The following GLIS3 variants were observed in gnomAD, a reference collection of about 807,000 sequenced individuals.
GLIS3 encodes the protein zinc finger protein GLIS3.
GLIS3 carries 53 observed loss-of-function variants against 78.6 expected under a neutral mutation model. The ratio of observed to expected loss-of-function variants is 0.67; its 90% CI spans 0.54 to 0.85. GLIS3 has a LOEUF of 0.85. GLIS3 is among the 40% of genes least tolerant of loss of function. GLIS3 has a pLI of 0.00. For missense variants in GLIS3, 1,703 were observed against 1,231.1 expected (o/e 1.38, Z -5.74); for synonymous variants, 684 against 509.9 (o/e 1.34, Z -4.60).
rs1048612959 is a variant in GLIS3 at position 3,826,989 on chromosome 9, C to A, written c.*1283G>T. On this transcript the variant is annotated 3_prime_UTR_variant, in exon 11 of 11. Coordinates refer to ENST00000381971, the MANE Select transcript of GLIS3 (RefSeq NM_001042413.2). ...TCCTATTTAGGCTTGATATTTTCGA[C>A]CAAGTGCTATGTGAAAATTCCAGGC... 1 of 152,118 alleles carries A rather than the reference C, an allele frequency of 6.6e-6. No individual in the cohort carries two copies. The highest frequency in any genetic ancestry group is 2.4e-5 in the African/African-American group (1 of 41,402). The allele number at this position is 152,118 out of a possible 1,614,324, so 9.4% of individuals were successfully genotyped here. A position where few individuals can be genotyped will look rare whatever the true frequency, so the allele number is the denominator to read the frequency against.
intron 5 of GLIS3, among the ~76,000 whole-genome samples, chr9:3,936,232 T>C (rs1377683724): frequency 6.6e-6 from 1 of 152,122 alleles, no homozygotes; most frequent in Admixed American, 6.5e-5. Context: ...TGAAATTACA[T>C]AGAGTCTACC....
intron 7 of GLIS3, among the ~76,000 whole-genome samples, chr9:3,896,371 G>A (rs1822829993): frequency 6.6e-6 from 1 of 152,072 alleles, no homozygotes; most frequent in Non-Finnish European, 1.5e-5. Context: ...GAGGAATAAG[G>A]AAAGAAGTAG....
At chr9:4,205,262 C>A (rs1301471152) in intron 2 of GLIS3, among the ~76,000 whole-genome samples, 1 of 151,392 alleles carries the variant, frequency 6.6e-6, no homozygotes, top group Non-Finnish European at 1.5e-5. Context: ...CTCTCTCTCT[C>A]CTTATGTACA....
chr9:4,333,784 C>A (rs1817717210), intron 2 of GLIS3, among the ~76,000 whole-genome samples: 1 of 143,860 alleles, frequency 7.0e-6, no homozygotes, highest in Non-Finnish European at 1.5e-5. Context: ...CCCTCACTTC[C>A]AGCTGTTACA....
chr9:4,257,730 C>T (rs988155584), intron 2 of GLIS3, among the ~76,000 whole-genome samples: 4 of 152,060 alleles, frequency 2.6e-5, no homozygotes, highest in South Asian at 4.2e-4. Flanking sequence ...CCTGCCACCA[C>T]GCCCGGCTAA....
the GLIS3 span, among the ~76,000 whole-genome samples, chr9:4,410,321 GC>G: frequency 6.6e-6 from 1 of 152,094 alleles, no homozygotes. Context: ...TTAAGAAAAA[GC>G]TAGAACAACA....
At chr9:3,853,463 G>A (rs1245641175) in intron 9 of GLIS3, among the ~76,000 whole-genome samples, 1 of 139,690 alleles carries the variant, frequency 7.2e-6, no homozygotes, top group East Asian at 2.2e-4. Flanking sequence ...CCTGCCCTAG[G>A]GCTACAAACA....
At chr9:4,072,795 T>C (rs1827721863) in intron 4 of GLIS3, among the ~76,000 whole-genome samples, 1 of 152,150 alleles carries the variant, frequency 6.6e-6, no homozygotes, top group African/African-American at 2.4e-5. Context: ...GTTTAGTTTC[T>C]TTCTTCTATA....
chr9:4,469,835 T>C, the GLIS3 span, among the ~76,000 whole-genome samples: 1 of 151,956 alleles, frequency 6.6e-6, no homozygotes, highest in Non-Finnish European at 1.5e-5. Context: ...AAAAAATCAA[T>C]GAATCTAGGA....
intron 7 of GLIS3, among the ~76,000 whole-genome samples, chr9:3,882,047 TTC>T (rs1268331613): frequency 6.6e-6 from 1 of 152,254 alleles, no homozygotes; most frequent in Non-Finnish European, 1.5e-5. Context: ...GTTAACTGTG[TTC>T]TTTTTATTCT....
chr9:4,139,771 C>G (rs1485966501), intron 2 of GLIS3, among the ~76,000 whole-genome samples: 1 of 152,190 alleles, frequency 6.6e-6, no homozygotes, highest in Non-Finnish European at 1.5e-5. Context: ...AGATCCCTCA[C>G]TTGCACAGTT....
chr9:4,215,581 G>A (rs1440051698), intron 2 of GLIS3, among the ~76,000 whole-genome samples: 1 of 152,094 alleles, frequency 6.6e-6, no homozygotes, highest in African/African-American at 2.4e-5. Context: ...AAAAACCCTG[G>A]AGCTTCACTA....
chr9:4,383,331 T>C, the GLIS3 span, among the ~76,000 whole-genome samples: 1 of 152,262 alleles, frequency 6.6e-6, no homozygotes, highest in African/African-American at 2.4e-5. Context: ...CCATAACATT[T>C]GGAACTGCTG....
At chr9:4,266,687 T>A (rs572121656) in intron 2 of GLIS3, among the ~76,000 whole-genome samples, 1 of 152,002 alleles carries the variant, frequency 6.6e-6, no homozygotes, top group African/African-American at 2.4e-5. Context: ...ACAGCCACTA[T>A]GATAATGATA....
chr9:4,472,374 T>C, the GLIS3 span, among the ~76,000 whole-genome samples: 1 of 152,172 alleles, frequency 6.6e-6, no homozygotes, highest in Non-Finnish European at 1.5e-5. Context: ...CCATCAATGA[T>C]AGACTGAATT....
intron 7 of GLIS3, among the ~76,000 whole-genome samples, chr9:3,896,688 G>C (rs1204863293): frequency 7.9e-5 from 1 of 12,736 alleles, no homozygotes; most frequent in Non-Finnish European, 2.1e-4. Flanking sequence ...AAAAGAAGTA[G>C]AGAGGGTAAA....
At chr9:4,475,119 G>C in the GLIS3 span, among the ~76,000 whole-genome samples, 6 of 150,526 alleles carry the variant, frequency 4.0e-5, no homozygotes, top group African/African-American at 1.5e-4. Flanking sequence ...TCAGCCTCCT[G>C]AGTAGCTGGG....
intron 4 of GLIS3, among the ~76,000 whole-genome samples, chr9:4,111,620 T>C (rs577501858): frequency 6.6e-6 from 1 of 152,372 alleles, no homozygotes; most frequent in African/African-American, 2.4e-5. Context: ...CTTTTACCTA[T>C]ACTAAGGGAT....
At chr9:4,323,662 C>T (rs1215733586) in intron 2 of GLIS3, among the ~76,000 whole-genome samples, 6 of 152,182 alleles carry the variant, frequency 3.9e-5, no homozygotes, top group Admixed American at 1.3e-4. Context: ...TTCAAAGCAT[C>T]ATGTATGTCT....
Sources: allele counts gnomAD v4.1 joint callset (sites outside exome capture counted in the v4.1 genomes callset), GRCh38; gene constraint gnomAD v4.1.1; transcripts MANE v1.5; gene names NCBI Gene and HGNC (gene_info 2026-07-23, HGNC 2026-07-21).